Variants in HS6ST3 observed in about 807,000 individuals in gnomAD.
HS6ST3 encodes heparan-sulfate 6-O-sulfotransferase 3.
Under a neutral mutation model 36.7 loss-of-function variants are expected in HS6ST3, and 12 were observed. The ratio of observed to expected loss-of-function variants is 0.33; its 90% CI spans 0.21 to 0.53. The LOEUF is 0.53. Ranked by LOEUF, HS6ST3 falls within the 20% of genes least tolerant of loss-of-function variation. HS6ST3 has a pLI of 0.95. For synonymous variants in HS6ST3, 240 were observed against 257.5 expected (o/e 0.93, Z 0.65); for missense variants, 584 against 640.9 (o/e 0.91, Z 0.96).
intron 1 of HS6ST3, among the ~76,000 whole-genome samples, chr13:96,532,911 A>G (rs1194075719): frequency 6.6e-6 from 1 of 152,170 alleles, no homozygotes; most frequent in Non-Finnish European, 1.5e-5. Flanking sequence ...ACAAGCATAG[A>G]CAATCATATT....
chr13:96,205,697 A>G (rs953901499), intron 1 of HS6ST3, among the ~76,000 whole-genome samples: 3 of 152,248 alleles, frequency 2.0e-5, no homozygotes, highest in Non-Finnish European at 4.4e-5. Flanking sequence ...AATGTGACTC[A>G]TCATATAAAC....
chr13:96,419,763 G>A (rs889601761), intron 1 of HS6ST3, among the ~76,000 whole-genome samples: 10 of 152,094 alleles, frequency 6.6e-5, no homozygotes, highest in African/African-American at 2.4e-4. Flanking sequence ...GGCTGTGGAT[G>A]CATCACTCCA....
intron 1 of HS6ST3, among the ~76,000 whole-genome samples, chr13:96,669,038 T>G (rs532430891): frequency 3.9e-5 from 6 of 152,232 alleles, no homozygotes; most frequent in African/African-American, 1.2e-4. Context: ...AAAATTAATT[T>G]AAATGCTTCA....
chr13:96,421,322 C>G (rs191437639), intron 1 of HS6ST3, among the ~76,000 whole-genome samples: 3 of 152,174 alleles, frequency 2.0e-5, no homozygotes, highest in South Asian at 2.1e-4. Context: ...ATGACTTCCT[C>G]TCTTCCTGTG....
At chr13:96,684,648 G>A (rs1240706804) in intron 1 of HS6ST3, among the ~76,000 whole-genome samples, 2 of 152,058 alleles carry the variant, frequency 1.3e-5, no homozygotes, top group East Asian at 1.9e-4. Flanking sequence ...GGGATCTGAA[G>A]TATTCCCATT....
intron 1 of HS6ST3, among the ~76,000 whole-genome samples, chr13:96,262,133 A>C (rs1019305409): frequency 2.6e-5 from 4 of 152,226 alleles, no homozygotes; most frequent in African/African-American, 9.6e-5. Flanking sequence ...AGATATCAAC[A>C]TCATCACAAC....
chr13:96,754,844 C>G (rs979943220), intron 1 of HS6ST3, among the ~76,000 whole-genome samples: 1 of 152,096 alleles, frequency 6.6e-6, no homozygotes, highest in East Asian at 1.9e-4. Context: ...TTATAGTTCT[C>G]TTCATATAAT....
At chr13:96,783,071 ATTGT>A (rs1877564123) in intron 1 of HS6ST3, among the ~76,000 whole-genome samples, 1 of 152,236 alleles carries the variant, frequency 6.6e-6, no homozygotes, top group Admixed American at 6.5e-5. Context: ...AATAGAGCAC[ATTGT>A]TTGTTCAAGG....
At chr13:96,758,258 G>A (rs972597499) in intron 1 of HS6ST3, among the ~76,000 whole-genome samples, 6 of 151,708 alleles carry the variant, frequency 4.0e-5, no homozygotes, top group African/African-American at 4.8e-5. Flanking sequence ...TCTCCATACT[G>A]AATCTATTTA....
At chr13:96,385,666 A>G (rs2055363857) in intron 1 of HS6ST3, among the ~76,000 whole-genome samples, 1 of 152,228 alleles carries the variant, frequency 6.6e-6, no homozygotes, top group Non-Finnish European at 1.5e-5. Flanking sequence ...AGCATTCTTA[A>G]TATGTAAATG....
intron 1 of HS6ST3, among the ~76,000 whole-genome samples, chr13:96,337,543 C>T (rs2055108137): frequency 6.6e-6 from 1 of 152,146 alleles, no homozygotes; most frequent in African/African-American, 2.4e-5. Flanking sequence ...GCCACTCTCA[C>T]TTCTGACCCT....
chr13:96,090,724 A>G lies in HS6ST3; in HGVS notation c.-139A>G, dbSNP rs992073214. 13 of 492,512 alleles carry G rather than the reference A, an allele frequency of 2.6e-5. No homozygotes were observed. Among genetic ancestry groups the G allele is most frequent in the African/African-American group, 2.5e-4 (12 of 47,648 alleles). 30.5% of individuals were successfully genotyped at this position (492,512 alleles called of 1,614,324 possible). On this transcript the variant is annotated 5_prime_UTR_variant, in exon 1 of 2. Coordinates refer to ENST00000376705, the MANE Select transcript of HS6ST3 (RefSeq NM_153456.4). ...AGGGCCGCGGGGCCGCCAGCCAGCC[A>G]CACGCCTCGGCGTCAGGGGCATGGA...
intron 1 of HS6ST3, among the ~76,000 whole-genome samples, chr13:96,552,143 G>T (rs1383612637): frequency 6.6e-6 from 1 of 152,192 alleles, no homozygotes; most frequent in East Asian, 1.9e-4. Context: ...GAGCAATTCA[G>T]TGTGCACGTA....
At chr13:96,785,458 C>A (rs1354374894) in intron 1 of HS6ST3, among the ~76,000 whole-genome samples, 1 of 152,164 alleles carries the variant, frequency 6.6e-6, no homozygotes, top group Non-Finnish European at 1.5e-5. Flanking sequence ...CAACCTGATT[C>A]TACTGGTCAT....
At chr13:96,107,199 G>A (rs946876913) in intron 1 of HS6ST3, among the ~76,000 whole-genome samples, 1 of 152,162 alleles carries the variant, frequency 6.6e-6, no homozygotes, top group East Asian at 1.9e-4. Flanking sequence ...TAGTATGGGG[G>A]TTGTAGGAGT....
At chr13:96,450,767 G>T (rs986967) in intron 1 of HS6ST3, among the ~76,000 whole-genome samples, 78,551 of 152,064 alleles carry the variant, frequency 0.52, 20,626 homozygotes, top group South Asian at 0.61. Flanking sequence ...TTATGAAATA[G>T]ATGTGGCCAA....
intron 1 of HS6ST3, among the ~76,000 whole-genome samples, chr13:96,705,416 G>A (rs1181900419): frequency 6.6e-6 from 1 of 152,140 alleles, no homozygotes; most frequent in Non-Finnish European, 1.5e-5. Context: ...AATTCTCCAG[G>A]TGATAATATT....
intron 1 of HS6ST3, among the ~76,000 whole-genome samples, chr13:96,214,543 G>A (rs926345493): frequency 6.6e-6 from 1 of 152,156 alleles, no homozygotes; most frequent in African/African-American, 2.4e-5. Context: ...CCCCAAACTA[G>A]TATTTGAAAG....
At chr13:96,113,943 C>A (rs2053882109) in intron 1 of HS6ST3, among the ~76,000 whole-genome samples, 1 of 151,814 alleles carries the variant, frequency 6.6e-6, no homozygotes, top group African/African-American at 2.4e-5. Flanking sequence ...TATTATGCCC[C>A]CATTAAAATG....
Sources: gnomAD v4.1 joint callset for allele counts (sites outside exome capture counted in the v4.1 genomes callset) on GRCh38, gnomAD v4.1.1 for gene constraint, MANE v1.5 for transcripts, NCBI Gene and HGNC (gene_info 2026-07-23, HGNC 2026-07-21) for gene names.